Variants in EZH1 observed in about 807,000 individuals in gnomAD.
EZH1 encodes enhancer of zeste 1 polycomb repressive complex 2 subunit.
Under a neutral mutation model 100.5 loss-of-function variants are expected in EZH1, and 33 were observed. That is an observed-to-expected ratio of 0.33 (90% CI 0.25 to 0.44). EZH1 has a LOEUF of 0.44. Ranked by LOEUF, EZH1 falls within the 20% of genes least tolerant of loss-of-function variation. The pLI is 1.00. For missense variants in EZH1, 475 were observed against 928.4 expected, an observed-to-expected ratio of 0.51 and a Z score of 6.35; for synonymous variants, 272 against 313.8, an observed-to-expected ratio of 0.87 and a Z score of 1.41.
At chr17:42,709,081 T>G (rs1041563597) in intron 13 of EZH1, 165 bp from the exon 14 acceptor site, 66 of 694,022 alleles carry the variant, frequency 9.5e-5, no homozygotes, top group Non-Finnish European at 1.4e-4. Context: ...CTAGAGTCCA[T>G]CCTAAATCCA....
Position 42,706,201 on chromosome 17 carries a change from AG to A in EZH1, c.1661-17del, listed in dbSNP as rs2053349816. 6.2e-7 allele frequency: 1 copy of A among 1,600,152 alleles called. No individual in the cohort carries two copies. Among genetic ancestry groups the A allele is most frequent in the African/African-American group, 1.3e-5 (1 of 74,700 alleles). On this transcript the variant is annotated splice_polypyrimidine_tract_variant and intron_variant, in intron 15 of 20. Coordinates refer to ENST00000428826, the MANE Select transcript of EZH1 (RefSeq NM_001991.5). This position sits in a 1 kb window ranked among gnomAD's most constrained non-coding sequence, Gnocchi z 4.4. ...CGATTCTGACCTGGGAAGGGAAGACAGGTAAGTCTTAGAAGGGAAATAAGCT... is the reference window on the plus strand; with the variant it reads ...CGATTCTGACCTGGGAAGGGAAGACAGTAAGTCTTAGAAGGGAAATAAGCT...
intron 4 of EZH1, among the ~76,000 whole-genome samples, chr17:42,725,847 A>G (rs2053808212): frequency 6.6e-6 from 1 of 152,138 alleles, no homozygotes; most frequent in Non-Finnish European, 1.5e-5. Flanking sequence ...ATTCTGCTTC[A>G]GGAAAGATAT....
intron 2 of EZH1, among the ~76,000 whole-genome samples, chr17:42,729,745 G>GA (rs58272031): frequency 0.69 from 91,338 of 131,486 alleles, 30,836 homozygotes; most frequent in African/African-American, 0.87. Context: ...TCTCAAAAAA[G>GA]AAAAAAAAAA....
In EZH1 at chr17:42,718,308, T is replaced by A; in HGVS notation, c.931+146A>T. The A allele has an allele frequency of 8.9e-7, 1 of 1,125,512 alleles. No individual in the cohort carries two copies. The allele number at this position is 1,125,512 out of a possible 1,614,324, so 69.7% of individuals were successfully genotyped here. On this transcript the variant is annotated intron_variant, in intron 9 of 20. Coordinates refer to ENST00000428826, the MANE Select transcript of EZH1 (RefSeq NM_001991.5). The surrounding 1 kb of genome is among the most constrained non-coding windows in gnomAD (Gnocchi z 4.2). Reference sequence around the variant, plus strand: ...TCATGCAAAGCATGTTGCACTATAATTGAGCAAGGGAAAATAGAACTGGCC... The same window carrying A: ...TCATGCAAAGCATGTTGCACTATAAATGAGCAAGGGAAAATAGAACTGGCC...
At chr17:42,724,479 G>T (rs1029311749) in intron 4 of EZH1, 55 bp from the exon 5 acceptor site, 3 of 1,595,296 alleles carry the variant, frequency 1.9e-6, no homozygotes, top group South Asian at 1.1e-5. Context: ...ACCCAAGAAA[G>T]AAATGTAATT....
intron 4 of EZH1, among the ~76,000 whole-genome samples, chr17:42,725,185 T>C (rs1341324433): frequency 6.6e-6 from 1 of 152,044 alleles, no homozygotes; most frequent in Non-Finnish European, 1.5e-5. Context: ...AAAAACAAAA[T>C]TTTAAAAACA....
intron 16 of EZH1, 129 bp from the exon 17 acceptor site, chr17:42,705,312 A>C (rs1317092078): frequency 1.8e-6 from 1 of 564,122 alleles, no homozygotes; most frequent in East Asian, 3.1e-5. Flanking sequence ...CTGAAAGCAG[A>C]AAAAGGTCTA....
chr17:42,708,170 G>A, intron 14 of EZH1, 87 bp from the exon 15 acceptor site: 2 of 1,478,434 alleles, frequency 1.4e-6, no homozygotes, highest in South Asian at 1.3e-5. Flanking sequence ...CTGATTCAGA[G>A]GAGGCTGGTC....
intron 1 of EZH1, among the ~76,000 whole-genome samples, chr17:42,732,945 C>A (rs2053980997): frequency 6.7e-6 from 1 of 148,630 alleles, no homozygotes; most frequent in Non-Finnish European, 1.5e-5. Flanking sequence ...GAGTGAGACT[C>A]TGTCACGTGC....
chr17:42,718,487 G>A lies in EZH1; in HGVS notation c.898C>T (p.Arg300Trp), dbSNP rs2053647003. 4.3e-6 allele frequency: 7 copies of A among 1,614,052 alleles called. No individual in the cohort carries two copies. Among genetic ancestry groups the A allele is most frequent in the Non-Finnish European group, 5.9e-6 (7 of 1,180,016 alleles). ...SLHSFHTLFC[R>W]RCFKYDCFLH... Reference sequence around the variant, plus strand: ...AAGCAGTCGTATTTAAAGCAGCGCCGGCAAAAAAGTGTGTGGAAGGAGTGC... The same window carrying A: ...AAGCAGTCGTATTTAAAGCAGCGCCAGCAAAAAAGTGTGTGGAAGGAGTGC... Residue 300 changes from arginine to tryptophan, a missense_variant, in exon 9 of 21, where the codon CGG (arginine) becomes TGG (tryptophan). Transcript: ENST00000428826. This position sits in a 1 kb window ranked among gnomAD's most constrained non-coding sequence, Gnocchi z 4.2.
At chr17:42,708,122 A>T (rs777909792) in intron 14 of EZH1, 39 bp from the exon 15 acceptor site, 1 of 1,546,418 alleles carries the variant, frequency 6.5e-7, no homozygotes, top group South Asian at 1.2e-5. Context: ...CTGTGACCAT[A>T]CTCTCCAGCT....
At chr17:42,705,311 G>C in intron 16 of EZH1, 128 bp from the exon 17 acceptor site, 1 of 573,854 alleles carries the variant, frequency 1.7e-6, no homozygotes, top group East Asian at 3.0e-5. Flanking sequence ...TCTGAAAGCA[G>C]AAAAAGGTCT....
At chr17:42,726,766 G>A (rs896662169) in intron 4 of EZH1, among the ~76,000 whole-genome samples, 11 of 151,742 alleles carry the variant, frequency 7.2e-5, no homozygotes, top group African/African-American at 2.2e-4. Context: ...CACCCACCTC[G>A]GCCTCCCAAA....
Position 42,704,595 on chromosome 17 carries a change from T to G in EZH1, c.2017+7A>C, listed in dbSNP as rs2053312340. ...CCACCTTGGGATGAGACAAAGTGAC[T>G]TCATACCATTATTGAGGTTGAAGAG... is the stretch of plus-strand genomic sequence containing the variant. On this transcript the variant is annotated splice_region_variant and intron_variant, in intron 18 of 20. Transcript: ENST00000428826. 1.9e-6 allele frequency: 3 copies of G among 1,608,746 alleles called. No individual in the cohort carries two copies. The highest frequency in any genetic ancestry group is 2.7e-5 in the African/African-American group (2 of 74,698).
At chr17:42,707,561 A>C (rs1462920830) in intron 15 of EZH1, among the ~76,000 whole-genome samples, 2 of 151,760 alleles carry the variant, frequency 1.3e-5, no homozygotes, top group Non-Finnish European at 2.9e-5. Context: ...ACCTGGCCTA[A>C]TTTTTTTATT....
At chr17:42,732,487 G>A (rs542345755) in intron 1 of EZH1, among the ~76,000 whole-genome samples, 264 of 152,136 alleles carry the variant, frequency 1.7e-3, no homozygotes, top group African/African-American at 5.9e-3. Context: ...CAAAAACATC[G>A]GCCGGGCGCG....
intron 1 of EZH1, among the ~76,000 whole-genome samples, chr17:42,734,221 G>C (rs2054018362): frequency 6.6e-6 from 1 of 151,638 alleles, no homozygotes; most frequent in Non-Finnish European, 1.5e-5. Flanking sequence ...TGTATTTTTA[G>C]TAGAGACAAG....
chr17:42,724,569 GA>G (rs1415403741), intron 4 of EZH1, 145 bp from the exon 5 acceptor site: 5 of 860,670 alleles, frequency 5.8e-6, no homozygotes, highest in Non-Finnish European at 8.7e-6. Flanking sequence ...CAGATCACTT[GA>G]AGTCAGTTGG....
At chr17:42,738,531 A>ATT (rs140094331) in intron 1 of EZH1, among the ~76,000 whole-genome samples, 5 of 148,776 alleles carry the variant, frequency 3.4e-5, no homozygotes, top group Non-Finnish European at 4.5e-5. Context: ...TATTTTTTTT[A>ATT]TTTTTTTTTG....
Sources: gnomAD v4.1 joint callset for allele counts (sites outside exome capture counted in the v4.1 genomes callset) on GRCh38, gnomAD v4.1.1 for gene constraint, Gnocchi (gnomAD v3.1) non-coding constraint, MANE v1.5 for transcripts, NCBI Gene and HGNC (gene_info 2026-07-23, HGNC 2026-07-21) for gene names.